KCNAB1: variants seen among roughly 807,000 people sequenced by gnomAD.
KCNAB1 encodes potassium voltage-gated channel subfamily A regulatory beta subunit 1, also known as voltage-gated potassium channel subunit beta-1.
In KCNAB1, 35 loss-of-function variants were observed where a neutral mutation model predicts 64.6. That is an observed-to-expected ratio of 0.54 (90% confidence interval 0.41 to 0.72). The LOEUF (loss-of-function observed/expected upper bound fraction) is 0.72. KCNAB1 is among the 30% of genes least tolerant of loss of function. The pLI is 0.00. For missense variants in KCNAB1, 401 were observed against 512.9 expected (o/e 0.78, Z 2.11); for synonymous variants, 177 against 183.8 (o/e 0.96, Z 0.30).
chr3:156,312,703 CAAAAAAAAAAAAAA>C (rs397991453), intron 1 of KCNAB1, among the ~76,000 whole-genome samples: 5 of 27,428 alleles, frequency 1.8e-4, no homozygotes, highest in South Asian at 4.6e-3. Flanking sequence ...AGACTGTCTC[CAAAAAAAAAAAAAA>C]AAAAAAAAAA....
chr3:156,450,230 TC>T (rs1328325612), intron 2 of KCNAB1, among the ~76,000 whole-genome samples: 1 of 152,128 alleles, frequency 6.6e-6, no homozygotes, highest in Non-Finnish European at 1.5e-5. Flanking sequence ...ACTCCACACA[TC>T]CTGAGAGCTC....
At chr3:156,291,316 G>A in intron 1 of KCNAB1, 1 of 989,524 alleles carries the variant, frequency 1.0e-6, no homozygotes, top group Non-Finnish European at 1.2e-6. Flanking sequence ...GAGGCGGGAG[G>A]GAGCTGACAG....
chr3:156,413,042 A>G (rs549970622), intron 1 of KCNAB1, among the ~76,000 whole-genome samples: 1 of 152,316 alleles, frequency 6.6e-6, no homozygotes, highest in African/African-American at 2.4e-5. Context: ...TGAACATAAG[A>G]GTAGACCATG....
intron 1 of KCNAB1, among the ~76,000 whole-genome samples, chr3:156,286,841 C>A (rs185452591): frequency 6.6e-6 from 1 of 152,248 alleles, no homozygotes; most frequent in Non-Finnish European, 1.5e-5. Flanking sequence ...AGAACCAAGT[C>A]TCTGGAGGTA....
intron 1 of KCNAB1, among the ~76,000 whole-genome samples, chr3:156,188,247 A>G (rs544401379): frequency 2.0e-5 from 3 of 151,552 alleles, no homozygotes; most frequent in Non-Finnish European, 4.4e-5. Context: ...TCATCACTCT[A>G]GAAAATTTTG....
chr3:156,478,224 C>G (rs527367101), intron 8 of KCNAB1, among the ~76,000 whole-genome samples: 58 of 152,052 alleles, frequency 3.8e-4, no homozygotes, highest in Admixed American at 2.3e-3. Context: ...GTTTCAGCAA[C>G]TCACGTTGGC....
intron 2 of KCNAB1, among the ~76,000 whole-genome samples, chr3:156,450,732 T>C (rs1321264424): frequency 6.6e-6 from 1 of 152,236 alleles, no homozygotes; most frequent in East Asian, 1.9e-4. Flanking sequence ...TGCCATTTCT[T>C]CAGTCCATTA....
At position 156,531,315 on chromosome 3, in the gene KCNAB1, T is replaced by A; in HGVS notation, c.1082-94T>A. 3.3e-6 allele frequency: 3 copies of A among 913,246 alleles called. 1 individual carries two copies. The Middle Eastern group carries it at 6.4e-4, about 196-fold the overall frequency. The allele number at this position is 913,246 out of a possible 1,614,324, so 56.6% of individuals were successfully genotyped here. A position where few individuals can be genotyped will look rare whatever the true frequency, so the allele number is the denominator to read the frequency against. On this transcript the variant is annotated intron_variant, in intron 12 of 13. Transcript: ENST00000490337. ...TCCTCCACAAAAAGAAGTTAATAAA[T>A]TTTGGCTGCAACAAACAGCTGTAGC...
At chr3:156,311,972 A>G (rs918698873) in intron 1 of KCNAB1, among the ~76,000 whole-genome samples, 6 of 152,292 alleles carry the variant, frequency 3.9e-5, no homozygotes, top group Middle Eastern at 6.8e-3. Flanking sequence ...CTGGGCAGCA[A>G]TCAGCTTTGG....
At chr3:156,194,250 T>C (rs1213973676) in intron 1 of KCNAB1, among the ~76,000 whole-genome samples, 1 of 152,066 alleles carries the variant, frequency 6.6e-6, no homozygotes, top group Non-Finnish European at 1.5e-5. Context: ...ACGCTTTCTT[T>C]AGCATTCTAG....
intron 1 of KCNAB1, among the ~76,000 whole-genome samples, chr3:156,383,300 A>G (rs1377596263): frequency 1.3e-5 from 2 of 152,090 alleles, no homozygotes; most frequent in African/African-American, 4.8e-5. Context: ...ACAATTCAAC[A>G]TTTCCTGCCA....
intron 1 of KCNAB1, among the ~76,000 whole-genome samples, chr3:156,316,644 C>G (rs1395076859): frequency 6.6e-6 from 1 of 152,196 alleles, no homozygotes; most frequent in Non-Finnish European, 1.5e-5. Context: ...AAAGCAGCTC[C>G]CAACCCTGAA....
At chr3:156,166,482 A>G (rs1298671327) in intron 1 of KCNAB1, among the ~76,000 whole-genome samples, 1 of 152,180 alleles carries the variant, frequency 6.6e-6, no homozygotes, top group Non-Finnish European at 1.5e-5. Context: ...ACAAATGTAA[A>G]CATGTTATTT....
intron 1 of KCNAB1, among the ~76,000 whole-genome samples, chr3:156,295,069 ACAAACAAACAAG>A (rs1384573022): frequency 6.6e-6 from 1 of 152,194 alleles, no homozygotes; most frequent in African/African-American, 2.4e-5. Context: ...AAATAACAAA[ACAAACAAACAAG>A]CAAACAAACA....
At chr3:156,514,906 T>C (rs1357072932) in intron 9 of KCNAB1, among the ~76,000 whole-genome samples, 194 bp from the exon 10 acceptor site, 1 of 152,216 alleles carries the variant, frequency 6.6e-6, no homozygotes, top group Non-Finnish European at 1.5e-5. Context: ...TCCCAAAGAA[T>C]TAATAAGGGT....
intron 2 of KCNAB1, among the ~76,000 whole-genome samples, chr3:156,448,431 A>G (rs1711744785): frequency 6.6e-6 from 1 of 152,234 alleles, no homozygotes; most frequent in Non-Finnish European, 1.5e-5. Context: ...ATAAAATCAT[A>G]GAAACAGAGT....
At chr3:156,382,400 T>C (rs1421730595) in intron 1 of KCNAB1, among the ~76,000 whole-genome samples, 2 of 152,136 alleles carry the variant, frequency 1.3e-5, no homozygotes, top group Admixed American at 1.3e-4. Flanking sequence ...GAGAATCTCT[T>C]GAACCCAGGA....
At chr3:156,297,893 C>A (rs1044735217) in intron 1 of KCNAB1, among the ~76,000 whole-genome samples, 1 of 151,928 alleles carries the variant, frequency 6.6e-6, no homozygotes, top group African/African-American at 2.4e-5. Flanking sequence ...GTGTTTCAAA[C>A]AGAAATATTT....
In KCNAB1 at chr3:156,140,799, G is replaced by C. The variant is rs550187313; in HGVS notation, c.275+19913G>C. ...TTAGAAGTGTGAAGTGAGGGCTTTA[G>C]GTTTGAATTGCAAGTGGAATTTCAA... On this transcript the variant is annotated intron_variant, in intron 1 of 13. Transcript: ENST00000490337. Among the ~76,000 whole-genome samples, 6 of 152,318 alleles carry C rather than the reference G, an allele frequency of 3.9e-5. No individual in the cohort carries two copies. The South Asian group carries it at 1.2e-3, about 32-fold the overall frequency.
Sources: gnomAD v4.1 joint callset for allele counts (sites outside exome capture counted in the v4.1 genomes callset) on GRCh38, gnomAD v4.1.1 for gene constraint, MANE v1.5 for transcripts, NCBI Gene and HGNC (gene_info 2026-07-23, HGNC 2026-07-21) for gene names.